The following VRK3 variants were observed in gnomAD, a reference collection of about 807,000 sequenced individuals.
VRK3 encodes VRK serine/threonine kinase 3.
In VRK3, 50 loss-of-function variants were observed where a neutral mutation model predicts 60.4. The ratio of observed to expected loss-of-function variants is 0.83; its 90% CI spans 0.66 to 1.05. The LOEUF (loss-of-function observed/expected upper bound fraction) is 1.05, where lower values mean the gene tolerates loss of function less well. Ranked by LOEUF, VRK3 falls within the 50% of genes least tolerant of loss-of-function variation. The pLI is 0.00. For missense variants in VRK3, 549 were observed against 585.3 expected (o/e 0.94, Z 0.64); for synonymous variants, 246 against 227.8 (o/e 1.08, Z -0.72).
In VRK3 at chr19:49,981,965, G is replaced by A. The variant is rs1430119127; in HGVS notation, c.1218-952C>T. ...AGGGGGTCACTGTGGCATCCGCACA[G>A]TTCAGTGGAATGTGGGGGCCAGCGG... On this transcript the variant is annotated intron_variant, in intron 12 of 14. Transcript: ENST00000316763. 9.1e-6 allele frequency: 6 copies of A among 659,006 alleles called. No individual in the cohort carries two copies. In the African/African-American group the frequency reaches 1.1e-4, roughly 12 times the overall value. The allele number at this position is 659,006 out of a possible 1,614,324, so 40.8% of individuals were successfully genotyped here.
At position 49,995,181 on chromosome 19, in the gene VRK3, A is replaced by T. The variant is rs750722132; in HGVS notation, c.764+10T>A. On this transcript the variant is annotated intron_variant, in intron 8 of 14. Coordinates refer to ENST00000316763, the MANE Select transcript of VRK3 (RefSeq NM_016440.4). ...GGCCGGTGAGGCAAGCAGTGAGCAG[A>T]GCAGCTCACCTGTATTTGTCCTGGT... is the stretch of plus-strand genomic sequence containing the variant. 1 of 1,612,454 alleles carries T rather than the reference A, an allele frequency of 6.2e-7. No homozygotes were observed. Among genetic ancestry groups the T allele is most frequent in the South Asian group, 1.1e-5 (1 of 91,028 alleles).
At position 49,979,211 on chromosome 19, in the gene VRK3, C is replaced by G; in HGVS notation, c.1308G>C (p.Met436Ile). The G allele has an allele frequency of 6.2e-7, 1 of 1,614,040 alleles. No individual in the cohort carries two copies. The highest frequency in any genetic ancestry group is 1.1e-5 in the South Asian group (1 of 91,064). Reference protein sequence around the residue: ...ETLQKYLKVVMALTYEEKPPY... With the variant: ...ETLQKYLKVVIALTYEEKPPY... Reference sequence around the variant, plus strand: ...GCGGCTTCTCCTCATACGTGAGGGCCATCACCACCTTCAGGTACTTCTGCA... The same window carrying G: ...GCGGCTTCTCCTCATACGTGAGGGCGATCACCACCTTCAGGTACTTCTGCA... The change falls in exon 14 of 15, where the codon ATG (methionine) becomes ATC (isoleucine). Residue 436 changes from methionine to isoleucine, a missense_variant. Met to Ile is a conservative substitution (Grantham distance 10). Transcript: ENST00000316763.
chr19:50,022,994 A>G (rs115779557), intron 1 of VRK3, among the ~76,000 whole-genome samples: 7,954 of 152,014 alleles, frequency 0.052, 684 homozygotes, highest in African/African-American at 0.18. Flanking sequence ...AGTCAGCCAC[A>G]ACAGCTTCGG....
At chr19:49,978,582 G>A (rs953818885) in intron 14 of VRK3, 1 of 153,832 alleles carries the variant, frequency 6.5e-6, no homozygotes, top group Middle Eastern at 3.4e-3. Context: ...TGCTGGCTGT[G>A]AGGAGTGTCC....
intron 12 of VRK3, among the ~76,000 whole-genome samples, chr19:49,987,095 C>T (rs34927402): frequency 0.052 from 7,985 of 152,240 alleles, 692 homozygotes; most frequent in African/African-American, 0.18. Context: ...AGGCTGGTCT[C>T]GAACTGCTGA....
At chr19:49,999,145 A>G (rs2076757050) in intron 6 of VRK3, 3 of 152,220 alleles carry the variant, frequency 2.0e-5, no homozygotes, top group East Asian at 3.9e-4. Context: ...AAAAGAATTA[A>G]ATGACATAAT....
chr19:50,019,868 T>G (rs2077143310), intron 2 of VRK3, among the ~76,000 whole-genome samples: 2 of 151,150 alleles, frequency 1.3e-5, no homozygotes, highest in Admixed American at 1.3e-4. Context: ...AGCGTTTGTT[T>G]AGAAATCTGT....
At chr19:49,988,668 G>A (rs1243328440) in intron 11 of VRK3, among the ~76,000 whole-genome samples, 176 bp from the exon 12 acceptor site, 2 of 150,562 alleles carry the variant, frequency 1.3e-5, no homozygotes, top group African/African-American at 5.0e-5. Flanking sequence ...GGCAGAAGCT[G>A]ACTCATTCTC....
intron 2 of VRK3, 103 bp from the exon 3 acceptor site, chr19:50,016,266 C>A (rs1303750203): frequency 6.9e-7 from 1 of 1,455,022 alleles, no homozygotes; most frequent in South Asian, 1.2e-5. Context: ...GCAGGAGGCA[C>A]AACCAGGGTC....
At chr19:50,013,715 C>T (rs1270104665) in intron 3 of VRK3, among the ~76,000 whole-genome samples, 1 of 152,214 alleles carries the variant, frequency 6.6e-6, no homozygotes, top group Non-Finnish European at 1.5e-5. Flanking sequence ...ATGCCAGGCA[C>T]AGACCCAGGT....
At chr19:50,015,884 G>A (rs1472490311) in intron 3 of VRK3, 140 bp downstream of exon 3, 20 of 1,093,388 alleles carry the variant, frequency 1.8e-5, no homozygotes, top group Non-Finnish European at 2.3e-5. Context: ...GGTAGACAGA[G>A]GGGTCCAGTC....
chr19:50,016,124 T>C lies in VRK3; in HGVS notation c.39A>G (p.Gln13=), dbSNP rs765417269. ...SFCPDCGKSI[Q]AAFKFCPYCG... ...AGTAGGGGCAGAATTTGAATGCCGC[T>C]TGGATACTTTTGCCACAGTCTGGAC... The change falls in exon 3 of 15, where the codon CAA becomes CAG. Residue 13 remains glutamine (Q), a synonymous_variant. Transcript: ENST00000316763. 1 of 1,614,238 alleles carries C rather than the reference T, an allele frequency of 6.2e-7. No individual in the cohort carries two copies. Among genetic ancestry groups the C allele is most frequent in the South Asian group, 1.1e-5 (1 of 91,090 alleles).
In VRK3 at chr19:50,025,269, C is replaced by G. The variant is rs1306139656; in HGVS notation, c.-67G>C. On this transcript the variant is annotated splice_region_variant and 5_prime_UTR_variant, in exon 1 of 15. Coordinates refer to ENST00000316763, the MANE Select transcript of VRK3 (RefSeq NM_016440.4). The stretch of plus-strand genomic sequence containing the variant: ...TCGTTCGCCTCGCTTCCCCTCACCT[C>G]TGTACTTGGGGACTGGGGTGGGATT... 2.6e-5 allele frequency: 4 copies of G among 152,384 alleles called. No individual in the cohort carries two copies. Among genetic ancestry groups the G allele is most frequent in the African/African-American group, 9.6e-5 (4 of 41,478 alleles). 9.4% of individuals were successfully genotyped at this position (152,384 alleles called of 1,614,324 possible). A position where few individuals can be genotyped will look rare whatever the true frequency, so the allele number is the denominator to read the frequency against.
At chr19:49,995,008 A>G in intron 8 of VRK3, 89 bp from the exon 9 acceptor site, 1 of 1,359,250 alleles carries the variant, frequency 7.4e-7, no homozygotes, top group South Asian at 1.3e-5. Context: ...CGTGGGCTGC[A>G]AGGTCCTGGT....
chr19:50,019,248 G>C (rs941517675), intron 2 of VRK3: 3 of 150,344 alleles, frequency 2.0e-5, no homozygotes, highest in Non-Finnish European at 4.4e-5. Flanking sequence ...TGTCACCCAG[G>C]CTGGAGTGCA....
intron 6 of VRK3, 188 bp from the exon 7 acceptor site, chr19:49,997,758 A>G (rs1450841410): frequency 1.8e-6 from 1 of 566,182 alleles, no homozygotes; most frequent in East Asian, 3.0e-5. Flanking sequence ...TGCTGTACCC[A>G]GGTTCCTTTT....
At chr19:49,984,623 A>G (rs1364122469) in intron 12 of VRK3, among the ~76,000 whole-genome samples, 2 of 151,974 alleles carry the variant, frequency 1.3e-5, no homozygotes, top group African/African-American at 2.4e-5. Context: ...TCATTCCACT[A>G]CGATTTTTCT....
chr19:50,019,947 T>C (rs537771051), intron 2 of VRK3, among the ~76,000 whole-genome samples: 1 of 151,872 alleles, frequency 6.6e-6, no homozygotes. Flanking sequence ...GGCACGATCT[T>C]GGCTCACTGC....
chr19:50,010,603 G>T (rs1187473812), intron 3 of VRK3, among the ~76,000 whole-genome samples: 2 of 152,212 alleles, frequency 1.3e-5, no homozygotes, highest in Non-Finnish European at 2.9e-5. Flanking sequence ...GTGAGAACGT[G>T]AATTCTTGGT....
Sources: gnomAD v4.1 joint callset for allele counts (sites outside exome capture counted in the v4.1 genomes callset) on GRCh38, gnomAD v4.1.1 for gene constraint, MANE v1.5 for transcripts, NCBI Gene and HGNC (gene_info 2026-07-23, HGNC 2026-07-21) for gene names.